The following CACNG4 variants were observed in gnomAD, a reference collection of about 807,000 sequenced individuals.
The protein encoded by CACNG4 is calcium voltage-gated channel auxiliary subunit gamma 4.
In CACNG4, 8 loss-of-function variants were observed where a neutral mutation model predicts 22.9. That is an observed-to-expected ratio of 0.35 (90% CI 0.21 to 0.63). The LOEUF is 0.63. Ranked by LOEUF, CACNG4 falls within the 30% of genes least tolerant of loss-of-function variation. CACNG4 has a pLI of 0.72. For synonymous variants in CACNG4, 188 were observed against 191.9 expected, an observed-to-expected ratio of 0.98 and a Z score of 0.17; for missense variants, 357 against 455.4, an observed-to-expected ratio of 0.78 and a Z score of 1.97.
chr17:67,016,907 C>G (rs535347630), intron 1 of CACNG4, among the ~76,000 whole-genome samples: 3 of 152,016 alleles, frequency 2.0e-5, no homozygotes, highest in East Asian at 1.9e-4. Flanking sequence ...TCTGGCCCCC[C>G]ACCCCATGAG....
intron 3 of CACNG4, among the ~76,000 whole-genome samples, chr17:67,026,713 G>A (rs1310089212): frequency 1.3e-5 from 2 of 151,396 alleles, no homozygotes; most frequent in African/African-American, 4.9e-5. Flanking sequence ...ATGTGTGTCT[G>A]AGGAGTGTGT....
intron 1 of CACNG4, among the ~76,000 whole-genome samples, chr17:67,016,702 A>G (rs2035500535): frequency 6.6e-6 from 1 of 152,156 alleles, no homozygotes; most frequent in Admixed American, 6.5e-5. Context: ...CTGCAGGAGC[A>G]GGGGGGCTGA....
chr17:67,020,337 G>T, intron 2 of CACNG4: 1 of 152,510 alleles, frequency 6.6e-6, no homozygotes, highest in Non-Finnish European at 1.5e-5. Flanking sequence ...GCGCAAGGCG[G>T]GGAGGGCTGC....
intron 1 of CACNG4, among the ~76,000 whole-genome samples, chr17:66,972,518 T>A (rs2035210823): frequency 6.6e-6 from 1 of 152,168 alleles, no homozygotes; most frequent in Non-Finnish European, 1.5e-5. Flanking sequence ...ACTGCCCCCA[T>A]GGAGAACCTC....
intron 3 of CACNG4, among the ~76,000 whole-genome samples, chr17:67,026,841 A>G (rs967786057): frequency 2.0e-5 from 3 of 151,852 alleles, no homozygotes; most frequent in Non-Finnish European, 2.9e-5. Context: ...GTCTCCTGGG[A>G]GAAGCATGAA....
chr17:66,982,204 C>G (rs28621954), intron 1 of CACNG4, among the ~76,000 whole-genome samples: 1 of 152,156 alleles, frequency 6.6e-6, no homozygotes, highest in Non-Finnish European at 1.5e-5. Flanking sequence ...CCGCTGCTGG[C>G]TAGGGTGGCC....
chr17:66,964,855 A>AGGGC lies in CACNG4; in HGVS notation c.-47_-44dup, dbSNP rs1212922352. ...CCCCGGAGCGGCGCGCGGAGGGAGG[A>AGGGC]GGGCGGGCGGGCGCGGCGGGCCGGG... On this transcript the variant is annotated 5_prime_UTR_variant, in exon 1 of 4. Coordinates refer to ENST00000262138, the MANE Select transcript of CACNG4 (RefSeq NM_014405.4). The AGGGC allele has an allele frequency of 2.8e-6, 3 of 1,053,142 alleles. No homozygotes were observed. The highest frequency in any genetic ancestry group is 1.8e-5 in the African/African-American group (1 of 54,408). The allele number at this position is 1,053,142 out of a possible 1,614,324, so 65.2% of individuals were successfully genotyped here.
intron 1 of CACNG4, among the ~76,000 whole-genome samples, chr17:66,982,033 G>C (rs1013633499): frequency 6.6e-6 from 1 of 152,162 alleles, no homozygotes; most frequent in African/African-American, 2.4e-5. Context: ...ATTCTGATAG[G>C]TTTATGGGCT....
chr17:66,990,301 G>A (rs934266365), intron 1 of CACNG4, among the ~76,000 whole-genome samples: 1 of 152,172 alleles, frequency 6.6e-6, no homozygotes, highest in African/African-American at 2.4e-5. Flanking sequence ...TGGCCCCCTT[G>A]GCAGTTCACT....
At chr17:66,975,766 G>A (rs529797793) in intron 1 of CACNG4, among the ~76,000 whole-genome samples, 1 of 152,332 alleles carries the variant, frequency 6.6e-6, no homozygotes, top group African/African-American at 2.4e-5. Context: ...CCTCTCAGAG[G>A]CAGGGCGTTC....
intron 1 of CACNG4, among the ~76,000 whole-genome samples, chr17:66,973,094 A>G (rs921598615): frequency 1.3e-5 from 2 of 152,024 alleles, no homozygotes; most frequent in African/African-American, 4.8e-5. Context: ...TAAAAATACA[A>G]AAGTTAGCCA....
Position 66,973,197 on chromosome 17 carries a change from G to A in CACNG4, c.220+8066G>A, listed in dbSNP as rs116863134. On this transcript the variant is annotated intron_variant, in intron 1 of 3. Transcript: ENST00000262138. ...GGAGGTTGCACTGAGCTGAGAGCTC[G>A]CCACTACACCCCAGCCTGGGCAATA... is the stretch of plus-strand genomic sequence containing the variant. Among the ~76,000 whole-genome samples the A allele has an allele frequency of 3.7e-4, 56 of 149,718 alleles. No individual in the cohort carries two copies. In the East Asian group the frequency reaches 9.3e-3, roughly 25 times the overall value.
At chr17:66,997,825 C>T (rs2035384752) in intron 1 of CACNG4, among the ~76,000 whole-genome samples, 2 of 151,960 alleles carry the variant, frequency 1.3e-5, no homozygotes, top group Admixed American at 6.6e-5. Flanking sequence ...CAAAAACAAA[C>T]AAACAAACAA....
intron 1 of CACNG4, among the ~76,000 whole-genome samples, chr17:67,011,361 T>C (rs1260251267): frequency 6.6e-6 from 1 of 152,208 alleles, no homozygotes; most frequent in Non-Finnish European, 1.5e-5. Flanking sequence ...ACTCCACACC[T>C]TCATCATCTC....
intron 1 of CACNG4, among the ~76,000 whole-genome samples, chr17:67,003,355 G>A (rs993444938): frequency 1.2e-4 from 18 of 151,630 alleles, no homozygotes; most frequent in African/African-American, 3.9e-4. Context: ...ACTTCAGAAC[G>A]TACTGTCTCT....
chr17:67,023,568 C>T (rs2035545087), intron 2 of CACNG4, among the ~76,000 whole-genome samples: 1 of 116,818 alleles, frequency 8.6e-6, no homozygotes, highest in Non-Finnish European at 1.8e-5. Context: ...AGCCACCGCG[C>T]CCAGCCCTTT....
At chr17:66,982,160 G>A (rs1019754662) in intron 1 of CACNG4, among the ~76,000 whole-genome samples, 3 of 152,212 alleles carry the variant, frequency 2.0e-5, no homozygotes, top group African/African-American at 7.2e-5. Context: ...GAAAGAACAA[G>A]CTTCCACGAG....
At chr17:66,992,025 C>CACAA (rs1318741996) in intron 1 of CACNG4, among the ~76,000 whole-genome samples, 1 of 152,208 alleles carries the variant, frequency 6.6e-6, no homozygotes, top group Admixed American at 6.5e-5. Context: ...TGACCTTCCC[C>CACAA]ACAAAGCCTT....
chr17:66,967,376 A>C (rs2035177120), intron 1 of CACNG4, among the ~76,000 whole-genome samples: 1 of 152,126 alleles, frequency 6.6e-6, no homozygotes, highest in Non-Finnish European at 1.5e-5. Context: ...TGGGTTCAAG[A>C]TTCCTTGGCT....
Sources: allele counts gnomAD v4.1 joint callset (sites outside exome capture counted in the v4.1 genomes callset), GRCh38; gene constraint gnomAD v4.1.1; transcripts MANE v1.5; gene names NCBI Gene and HGNC (gene_info 2026-07-23, HGNC 2026-07-21).